ADAMTSL1: variants seen among roughly 807,000 people sequenced by gnomAD.
ADAMTSL1 encodes ADAMTS-like protein 1.
ADAMTSL1 carries 126 observed loss-of-function variants against 201.8 expected under a neutral mutation model. The observed-to-expected ratio is 0.62, with a 90% CI of 0.54 to 0.72. The LOEUF is 0.72. Among genes scored for constraint, ADAMTSL1 ranks in the 30% least tolerant of loss-of-function variants. ADAMTSL1 has a pLI of 0.00. For synonymous variants in ADAMTSL1, 1,121 were observed against 903.4 expected, an observed-to-expected ratio of 1.24 and a Z score of -4.32; for missense variants, 2,679 against 2,277.8, an observed-to-expected ratio of 1.18 and a Z score of -3.59.
At chr9:18,058,159 G>C (rs1026393004) in intron 1 of ADAMTSL1, among the ~76,000 whole-genome samples, 5 of 152,216 alleles carry the variant, frequency 3.3e-5, no homozygotes, top group Admixed American at 3.3e-4. Flanking sequence ...ATAAATGAAA[G>C]AATGCAAGAG....
intron 7 of ADAMTSL1, among the ~76,000 whole-genome samples, chr9:18,653,843 ATC>A (rs1441571526): frequency 1.3e-5 from 2 of 152,234 alleles, no homozygotes; most frequent in Admixed American, 6.5e-5. Context: ...AGACAACTGA[ATC>A]TGTTTCATTC....
chr9:18,040,960 TAATGAAAATTTCA>T (rs1210424091), intron 1 of ADAMTSL1, among the ~76,000 whole-genome samples: 1 of 152,192 alleles, frequency 6.6e-6, no homozygotes, highest in Non-Finnish European at 1.5e-5. Flanking sequence ...AAATATATTT[TAATGAAAATTTCA>T]ATTTCTCAAG....
At chr9:17,936,832 A>G (rs1429410797) in intron 1 of ADAMTSL1, among the ~76,000 whole-genome samples, 1 of 152,148 alleles carries the variant, frequency 6.6e-6, no homozygotes, top group East Asian at 1.9e-4. Flanking sequence ...TACTCCCTTG[A>G]AGAGTGAGAA....
At chr9:18,706,605 C>T in intron 13 of ADAMTSL1, 142 bp from the exon 14 acceptor site, 1 of 803,118 alleles carries the variant, frequency 1.2e-6, no homozygotes, top group Non-Finnish European at 1.9e-6. Flanking sequence ...GAAGCGCCAT[C>T]ACAGGACAGG....
At chr9:18,556,833 A>G (rs1032572498) in intron 3 of ADAMTSL1, among the ~76,000 whole-genome samples, 13 of 152,046 alleles carry the variant, frequency 8.6e-5, no homozygotes, top group African/African-American at 3.1e-4. Context: ...TAAAGAAATT[A>G]TATTTAAAGT....
chr9:18,826,575 T>G, intron 22 of ADAMTSL1, 112 bp downstream of exon 22: 1 of 1,276,718 alleles, frequency 7.8e-7, no homozygotes, highest in East Asian at 2.5e-5. Context: ...AAGGTAAAAT[T>G]GATATCCCTT....
intron 1 of ADAMTSL1, among the ~76,000 whole-genome samples, chr9:18,485,527 G>A (rs1821945999): frequency 6.6e-6 from 1 of 152,198 alleles, no homozygotes; most frequent in Non-Finnish European, 1.5e-5. Flanking sequence ...ATGAGTTTCT[G>A]TAGTAGCACA....
At chr9:18,336,701 C>T (rs982049299) in intron 2 of ADAMTSL1, among the ~76,000 whole-genome samples, 2 of 152,078 alleles carry the variant, frequency 1.3e-5, no homozygotes, top group African/African-American at 4.8e-5. Flanking sequence ...GTACTAAAAA[C>T]ATCAGTTCTA....
In ADAMTSL1 at chr9:18,909,405, C is replaced by T. The variant is rs1276517850; in HGVS notation, c.*857C>T. 2 of 152,346 alleles carry T rather than the reference C, an allele frequency of 1.3e-5. No individual in the cohort carries two copies. The highest frequency in any genetic ancestry group is 2.9e-5 in the Non-Finnish European group (2 of 68,130). 9.4% of individuals were successfully genotyped at this position (152,346 alleles called of 1,614,324 possible). A position where few individuals can be genotyped will look rare whatever the true frequency, so the allele number is the denominator to read the frequency against. Reference sequence around the variant, plus strand: ...CTTCCCAAGCTATCAGAGTCAACGTCCTGCCTGTGCAGCTGCAGCAAAGCC... The same window carrying T: ...CTTCCCAAGCTATCAGAGTCAACGTTCTGCCTGTGCAGCTGCAGCAAAGCC... On this transcript the variant is annotated 3_prime_UTR_variant, in exon 29 of 29. Transcript: ENST00000380548.
At chr9:18,511,928 C>G (rs1818048916) in intron 2 of ADAMTSL1, among the ~76,000 whole-genome samples, 1 of 152,124 alleles carries the variant, frequency 6.6e-6, no homozygotes, top group East Asian at 1.9e-4. Context: ...GGTTTTAGAA[C>G]TTTCAGCTCA....
At chr9:18,243,097 AG>A (rs1325577208) in intron 2 of ADAMTSL1, among the ~76,000 whole-genome samples, 1 of 152,182 alleles carries the variant, frequency 6.6e-6, no homozygotes, top group African/African-American at 2.4e-5. Flanking sequence ...ACAAAGCTGT[AG>A]TAATCAAAAC....
intron 2 of ADAMTSL1, among the ~76,000 whole-genome samples, chr9:18,190,971 A>G (rs574812315): frequency 6.6e-6 from 1 of 152,292 alleles, no homozygotes; most frequent in East Asian, 1.9e-4. Flanking sequence ...AAATAATCCA[A>G]ATTTCCACAA....
At chr9:18,143,994 CG>C (rs920736197) in intron 1 of ADAMTSL1, among the ~76,000 whole-genome samples, 106 of 152,148 alleles carry the variant, frequency 7.0e-4, no homozygotes, top group African/African-American at 2.5e-3. Flanking sequence ...CTGAGTAAAA[CG>C]TTGCCTCAGG....
intron 2 of ADAMTSL1, among the ~76,000 whole-genome samples, chr9:18,291,890 C>G (rs1833288459): frequency 6.6e-6 from 1 of 152,076 alleles, no homozygotes; most frequent in South Asian, 2.1e-4. Flanking sequence ...GCCCTTCACA[C>G]AGGGATATGC....
At chr9:17,921,151 T>A (rs1264130077) in intron 1 of ADAMTSL1, among the ~76,000 whole-genome samples, 2 of 152,228 alleles carry the variant, frequency 1.3e-5, no homozygotes, top group Non-Finnish European at 2.9e-5. Context: ...TCTTTTGTAT[T>A]TATTTGTTTG....
chr9:18,548,953 A>G (rs1443075838), intron 3 of ADAMTSL1, among the ~76,000 whole-genome samples: 1 of 151,906 alleles, frequency 6.6e-6, no homozygotes, highest in African/African-American at 2.4e-5. Context: ...TACCCAAAAT[A>G]TAGGCCAAAA....
chr9:17,940,265 G>T (rs1267420841), intron 1 of ADAMTSL1, among the ~76,000 whole-genome samples: 1 of 152,210 alleles, frequency 6.6e-6, no homozygotes, highest in East Asian at 1.9e-4. Flanking sequence ...GTAGAGGGTA[G>T]ATTTGAGAAA....
chr9:18,200,049 A>G (rs1044360528), intron 2 of ADAMTSL1, among the ~76,000 whole-genome samples: 2 of 152,084 alleles, frequency 1.3e-5, no homozygotes, highest in African/African-American at 4.8e-5. Context: ...CCCCAAAGGC[A>G]TTATTACTCC....
chr9:18,124,748 C>A (rs537905859), intron 1 of ADAMTSL1, among the ~76,000 whole-genome samples: 1 of 152,248 alleles, frequency 6.6e-6, no homozygotes, highest in African/African-American at 2.4e-5. Context: ...CATTTTAAGG[C>A]AAGGTATACT....
Sources: gnomAD v4.1 joint callset for allele counts (sites outside exome capture counted in the v4.1 genomes callset) on GRCh38, gnomAD v4.1.1 for gene constraint, MANE v1.5 for transcripts, NCBI Gene and HGNC (gene_info 2026-07-23, HGNC 2026-07-21) for gene names.